Variants in NBEA observed in about 807,000 individuals in gnomAD.
The protein encoded by NBEA is neurobeachin, also known as lysosomal-trafficking regulator 2.
In NBEA, 44 loss-of-function variants were observed where a neutral mutation model predicts 343.4. The observed-to-expected ratio is 0.13, with a 90% CI of 0.10 to 0.16. NBEA has a LOEUF of 0.16. Ranked by LOEUF, NBEA falls within the 10% of genes least tolerant of loss-of-function variation. The pLI is 1.00. For missense variants in NBEA, 2,555 were observed against 3,631.3 expected (o/e 0.70, Z 7.62); for synonymous variants, 1,175 against 1,238.7 (o/e 0.95, Z 1.08).
At chr13:35,420,017 T>C (rs2044173435) in intron 38 of NBEA, among the ~76,000 whole-genome samples, 1 of 152,094 alleles carries the variant, frequency 6.6e-6, no homozygotes, top group Non-Finnish European at 1.5e-5. Context: ...TCTAGGAGTG[T>C]TTGACAGATT....
At chr13:35,298,981 T>C (rs2036348444) in intron 35 of NBEA, among the ~76,000 whole-genome samples, 1 of 152,088 alleles carries the variant, frequency 6.6e-6, no homozygotes, top group African/African-American at 2.4e-5. Context: ...ATGTATGTTT[T>C]ATATGCATTG....
Position 35,247,719 on chromosome 13 carries a change from A to G in NBEA, c.5776+15100A>G, listed in dbSNP as rs1039929295. ...GGCTTTCTTGGCATATTCATCTTGAAGCAAAAGTTGATAATGTGAGTCTCC... is the reference window on the plus strand; with the variant it reads ...GGCTTTCTTGGCATATTCATCTTGAGGCAAAAGTTGATAATGTGAGTCTCC... On this transcript the variant is annotated intron_variant, in intron 34 of 58. Transcript: ENST00000379939. Among the ~76,000 whole-genome samples the G allele has an allele frequency of 2.6e-5, 4 of 152,072 alleles. No homozygotes were observed. In the South Asian group the frequency reaches 8.3e-4, roughly 32 times the overall value.
At chr13:35,406,408 C>T (rs1176994306) in intron 38 of NBEA, among the ~76,000 whole-genome samples, 1 of 151,716 alleles carries the variant, frequency 6.6e-6, no homozygotes, top group Non-Finnish European at 1.5e-5. Context: ...TACCCATCAC[C>T]GGAGCAGTGT....
chr13:35,082,876 C>T (rs923118464), intron 10 of NBEA, among the ~76,000 whole-genome samples: 6 of 152,142 alleles, frequency 3.9e-5, no homozygotes, highest in East Asian at 3.9e-4. Flanking sequence ...GTGGCCTGTT[C>T]ACTCTGATGG....
At position 34,964,859 on chromosome 13, in the gene NBEA, T is replaced by C. The variant is rs192784153; in HGVS notation, c.294+21745T>C. Among the ~76,000 whole-genome samples the C allele has an allele frequency of 1.8e-3, 278 of 152,082 alleles. 4 individuals carry two copies. The highest frequency in any genetic ancestry group is 3.1e-4 in the Non-Finnish European group (21 of 67,952). On this transcript the variant is annotated intron_variant, in intron 1 of 58. Transcript: ENST00000379939. ...GAGCAGAATTAGGAACAGAGGGCAA[T>C]AGAAACAGTGAGTGGGGAAAGGATT... is the stretch of plus-strand genomic sequence containing the variant.
intron 38 of NBEA, among the ~76,000 whole-genome samples, chr13:35,359,727 G>A (rs2040698916): frequency 6.6e-6 from 1 of 151,612 alleles, no homozygotes; most frequent in African/African-American, 2.4e-5. Context: ...GTTTATTTTA[G>A]CTTTTTGGAT....
chr13:35,582,241 G>A (rs1038267523), intron 45 of NBEA, among the ~76,000 whole-genome samples: 22 of 152,118 alleles, frequency 1.4e-4, no homozygotes, highest in Admixed American at 4.6e-4. Context: ...AGCCCAGATC[G>A]CGCCACTGCA....
At chr13:35,667,174 T>C (rs1291351307) in intron 56 of NBEA, among the ~76,000 whole-genome samples, 200 bp from the exon 57 acceptor site, 2 of 152,168 alleles carry the variant, frequency 1.3e-5, no homozygotes, top group African/African-American at 4.8e-5. Context: ...GCGTGCGGCG[T>C]AGGAGTGTGA....
intron 30 of NBEA, among the ~76,000 whole-genome samples, chr13:35,188,744 C>G (rs908729594): frequency 2.6e-5 from 4 of 151,650 alleles, no homozygotes; most frequent in Non-Finnish European, 5.9e-5. Flanking sequence ...GGATATATAC[C>G]CTGAAGTGGA....
At chr13:35,052,800 CA>C (rs2063111692) in intron 6 of NBEA, among the ~76,000 whole-genome samples, 1 of 152,044 alleles carries the variant, frequency 6.6e-6, no homozygotes, top group Admixed American at 6.6e-5. Context: ...TTAATCAGTG[CA>C]TTTGTTTATT....
intron 35 of NBEA, among the ~76,000 whole-genome samples, chr13:35,297,801 A>G (rs149953413): frequency 5.9e-4 from 90 of 152,092 alleles, no homozygotes; most frequent in African/African-American, 2.1e-3. Context: ...AGGAATATAT[A>G]TTAGCTAAGG....
intron 1 of NBEA, among the ~76,000 whole-genome samples, chr13:34,975,289 A>T (rs2060127162): frequency 6.6e-6 from 1 of 152,226 alleles, no homozygotes; most frequent in East Asian, 1.9e-4. Context: ...GGAACAGAAT[A>T]GAGAACCCAG....
At chr13:35,045,697 T>C (rs1289883375) in intron 4 of NBEA, among the ~76,000 whole-genome samples, 1 of 150,904 alleles carries the variant, frequency 6.6e-6, no homozygotes, top group East Asian at 1.9e-4. Flanking sequence ...AATCATACAG[T>C]ATACAGTGTT....
intron 17 of NBEA, among the ~76,000 whole-genome samples, chr13:35,136,737 A>G (rs996885395): frequency 6.6e-6 from 1 of 152,232 alleles, no homozygotes; most frequent in South Asian, 2.1e-4. Context: ...ACCCGAGAAT[A>G]TTATATCCTG....
intron 38 of NBEA, among the ~76,000 whole-genome samples, chr13:35,352,595 C>G (rs1258899543): frequency 6.6e-6 from 1 of 151,954 alleles, no homozygotes; most frequent in Admixed American, 6.6e-5. Flanking sequence ...GTATTTTAGT[C>G]TACTGTCTCT....
chr13:35,287,026 A>G (rs565656827), intron 34 of NBEA, among the ~76,000 whole-genome samples: 1 of 152,124 alleles, frequency 6.6e-6, no homozygotes, highest in South Asian at 2.1e-4. Flanking sequence ...ATCTTTCAAC[A>G]ATATAGTTCA....
intron 18 of NBEA, among the ~76,000 whole-genome samples, chr13:35,155,382 G>A (rs1266768710): frequency 3.9e-5 from 6 of 152,132 alleles, no homozygotes; most frequent in Non-Finnish European, 7.4e-5. Context: ...CCAGCACTTT[G>A]GGAGGCTGAG....
intron 38 of NBEA, among the ~76,000 whole-genome samples, chr13:35,375,096 G>A (rs775721255): frequency 1.5e-4 from 23 of 152,028 alleles, no homozygotes; most frequent in Non-Finnish European, 3.1e-4. Context: ...ATGTGCATAA[G>A]ACTGCTTTTC....
intron 48 of NBEA, among the ~76,000 whole-genome samples, chr13:35,613,582 T>C (rs985393997): frequency 1.3e-5 from 2 of 151,714 alleles, no homozygotes; most frequent in Non-Finnish European, 2.9e-5. Context: ...ATGGCTGGAT[T>C]ATATGGTAAT....
Sources: gnomAD v4.1 joint callset for allele counts (sites outside exome capture counted in the v4.1 genomes callset) on GRCh38, gnomAD v4.1.1 for gene constraint, MANE v1.5 for transcripts, NCBI Gene and HGNC (gene_info 2026-07-23, HGNC 2026-07-21) for gene names.